The following INSYN2B variants were observed in gnomAD, a reference collection of about 807,000 sequenced individuals.
INSYN2B encodes inhibitory synaptic factor family member 2B, also known as protein INSYN2B.
INSYN2B carries 16 observed loss-of-function variants against 41.2 expected under a neutral mutation model. The ratio of observed to expected loss-of-function variants is 0.39; its 90% CI spans 0.26 to 0.59. The LOEUF (loss-of-function observed/expected upper bound fraction) is 0.59, where lower values mean the gene tolerates loss of function less well. Among genes scored for constraint, INSYN2B ranks in the 20% least tolerant of loss-of-function variants. The probability of loss-of-function intolerance (pLI) is 0.57; values close to 1 mark genes in which losing one functional copy is unlikely to be tolerated. For missense variants in INSYN2B, 608 were observed against 646.4 expected (o/e 0.94, Z 0.64); for synonymous variants, 245 against 244.4 (o/e 1.00, Z -0.02).
Position 169,864,278 on chromosome 5 carries a change from T to C in INSYN2B, c.1603A>G (p.Ile535Val), listed in dbSNP as rs753874434. Reference sequence around the variant, plus strand: ...GGGGGATGGTCCCAACCAGCTCAGATCCACCAGAAGCATTTCTTTTTCACC... The same window carrying C: ...GGGGGATGGTCCCAACCAGCTCAGACCCACCAGAAGCATTTCTTTTTCACC... ...KKVKKKCFWW[I>V] The change falls in exon 4 of 4, where the codon ATC becomes GTC. Residue 535 changes from isoleucine to valine, a missense_variant. Transcript: ENST00000377365. 5.8e-6 allele frequency: 9 copies of C among 1,551,532 alleles called. 1 individual carries two copies. In the South Asian group the frequency reaches 1.1e-4, roughly 18 times the overall value.
In INSYN2B at chr5:169,867,731, A is replaced by G. The variant is rs555372915; in HGVS notation, c.1422-3272T>C. ...ACATACACACATATATAATCATAAC[A>G]TCACAGTCTCTTCTTCCAGGAGGCA... On this transcript the variant is annotated intron_variant, in intron 3 of 3. Coordinates refer to ENST00000377365, the MANE Select transcript of INSYN2B (RefSeq NM_001129891.3). Among the ~76,000 whole-genome samples, 3 of 152,244 alleles carry G rather than the reference A, an allele frequency of 2.0e-5. No homozygotes were observed. The East Asian group carries it at 5.8e-4, about 29-fold the overall frequency.
In INSYN2B at chr5:169,882,663, G is replaced by A; in HGVS notation, c.1236C>T (p.Leu412=). The change falls in exon 2 of 4, where the codon CTC becomes CTT. Residue 412 remains leucine (L), a synonymous_variant. Coordinates refer to ENST00000377365, the MANE Select transcript of INSYN2B (RefSeq NM_001129891.3). ...IHLARGELCD[L]QGRLQSVEES... is the part of the protein sequence containing the mutation. The stretch of plus-strand genomic sequence containing the variant: ...CCTCCACAGATTGCAGTCGGCCTTG[G>A]AGGTCGCAGAGTTCACCCCGTGCCA... 6.4e-7 allele frequency: 1 copy of A among 1,552,062 alleles called. No individual in the cohort carries two copies. The highest frequency in any genetic ancestry group is 8.7e-7 in the Non-Finnish European group (1 of 1,147,048).
At chr5:169,867,646 A>G (rs1483725609) in intron 3 of INSYN2B, among the ~76,000 whole-genome samples, 3 of 151,598 alleles carry the variant, frequency 2.0e-5, no homozygotes, top group Admixed American at 1.3e-4. Context: ...CTATCTATCT[A>G]TCTACCTCTA....
intron 3 of INSYN2B, among the ~76,000 whole-genome samples, chr5:169,869,996 A>G (rs920158500): frequency 6.6e-6 from 1 of 152,202 alleles, no homozygotes; most frequent in Admixed American, 6.5e-5. Context: ...TAGTTAAGAA[A>G]TTGTTACAAT....
intron 1 of INSYN2B, among the ~76,000 whole-genome samples, chr5:169,899,113 A>G (rs1295039149): frequency 6.6e-6 from 1 of 152,180 alleles, no homozygotes; most frequent in Non-Finnish European, 1.5e-5. Flanking sequence ...TGATTTGTGG[A>G]TTAGAAGAGA....
At chr5:169,966,622 C>A (rs375246894) in intron 1 of INSYN2B, among the ~76,000 whole-genome samples, 2 of 152,112 alleles carry the variant, frequency 1.3e-5, no homozygotes, top group African/African-American at 4.8e-5. Flanking sequence ...GGCTCCATAC[C>A]CTTATTTTAC....
chr5:169,871,403 A>C (rs1771960574), intron 3 of INSYN2B, among the ~76,000 whole-genome samples: 1 of 152,218 alleles, frequency 6.6e-6, no homozygotes, highest in Non-Finnish European at 1.5e-5. Context: ...TGATAAAAAG[A>C]ATGATGGTCA....
intron 1 of INSYN2B, among the ~76,000 whole-genome samples, chr5:169,943,129 C>T (rs1049170351): frequency 5.3e-5 from 8 of 152,134 alleles, no homozygotes; most frequent in African/African-American, 1.9e-4. Flanking sequence ...TGAGTTTTCC[C>T]CACACCCAGG....
intron 1 of INSYN2B, among the ~76,000 whole-genome samples, chr5:169,970,721 G>C (rs1561858400): frequency 6.6e-6 from 1 of 152,160 alleles, no homozygotes; most frequent in African/African-American, 2.4e-5. Flanking sequence ...AATCAGGGGA[G>C]ATTTTAAAGA....
chr5:169,946,626 A>G (rs1415239901), intron 1 of INSYN2B, among the ~76,000 whole-genome samples: 1 of 152,196 alleles, frequency 6.6e-6, no homozygotes, highest in Non-Finnish European at 1.5e-5. Context: ...CTCATTGTGT[A>G]TCAGCCACTG....
At chr5:169,934,363 C>G (rs1246512280) in intron 1 of INSYN2B, among the ~76,000 whole-genome samples, 2 of 152,162 alleles carry the variant, frequency 1.3e-5, no homozygotes, top group Non-Finnish European at 2.9e-5. Flanking sequence ...GGATCATAGC[C>G]AATACCACCC....
rs1046089565 is a variant in INSYN2B at position 169,884,156 on chromosome 5, A to G, written c.-258T>C. 2 of 332,182 alleles carry G rather than the reference A, an allele frequency of 6.0e-6. No homozygotes were observed. The highest frequency in any genetic ancestry group is 1.1e-5 in the Non-Finnish European group (2 of 183,970). The allele number at this position is 332,182 out of a possible 1,614,324, so 20.6% of individuals were successfully genotyped here. A position where few individuals can be genotyped will look rare whatever the true frequency, so the allele number is the denominator to read the frequency against. Reference sequence around the variant, plus strand: ...TCATAATTGCTCCTTGGAAAAACAAATGAGTTAGGCTAACTATTAAACATC... The same window carrying G: ...TCATAATTGCTCCTTGGAAAAACAAGTGAGTTAGGCTAACTATTAAACATC... On this transcript the variant is annotated 5_prime_UTR_variant, in exon 2 of 4. Transcript: ENST00000377365.
At chr5:169,914,939 A>T (rs1168991348) in intron 1 of INSYN2B, among the ~76,000 whole-genome samples, 1 of 152,234 alleles carries the variant, frequency 6.6e-6, no homozygotes, top group Non-Finnish European at 1.5e-5. Flanking sequence ...TCCCACAGGC[A>T]GCGCCTGCCC....
chr5:169,953,494 G>A (rs924188207), intron 1 of INSYN2B, among the ~76,000 whole-genome samples: 8 of 152,124 alleles, frequency 5.3e-5, no homozygotes, highest in South Asian at 4.1e-4. Flanking sequence ...GGAGGTCTTG[G>A]GGATTGAATG....
At chr5:169,893,140 G>GA (rs1249545651) in intron 1 of INSYN2B, among the ~76,000 whole-genome samples, 5 of 152,150 alleles carry the variant, frequency 3.3e-5, no homozygotes, top group African/African-American at 4.8e-5. Flanking sequence ...CAAGGGTGGG[G>GA]AATCAGCATC....
chr5:169,934,422 C>A (rs1775893740), intron 1 of INSYN2B, among the ~76,000 whole-genome samples: 1 of 152,170 alleles, frequency 6.6e-6, no homozygotes, highest in Non-Finnish European at 1.5e-5. Context: ...GAATCACAAA[C>A]CCTCAAGGGC....
Position 169,879,540 on chromosome 5 carries a change from A to G in INSYN2B, c.1421+1828T>C, listed in dbSNP as rs371579184. ...TGGTAATGAGGGATATATGCATACAATTGCTGTTCTTCTGGAAAGGATGGT... is the reference window on the plus strand; with the variant it reads ...TGGTAATGAGGGATATATGCATACAGTTGCTGTTCTTCTGGAAAGGATGGT... On this transcript the variant is annotated intron_variant, in intron 3 of 3. Transcript: ENST00000377365. Among the ~76,000 whole-genome samples, 9 of 152,290 alleles carry G rather than the reference A, an allele frequency of 5.9e-5. No homozygotes were observed. The South Asian group carries it at 1.9e-3, about 32-fold the overall frequency.
intron 1 of INSYN2B, among the ~76,000 whole-genome samples, chr5:169,952,960 G>A (rs1208169178): frequency 3.3e-5 from 5 of 152,208 alleles, no homozygotes; most frequent in Admixed American, 6.5e-5. Context: ...GTAAAGGGAA[G>A]GCTTCACTTT....
intron 1 of INSYN2B, among the ~76,000 whole-genome samples, chr5:169,900,289 G>C (rs1461544422): frequency 6.6e-6 from 1 of 152,166 alleles, no homozygotes; most frequent in South Asian, 2.1e-4. Context: ...TCCCCTGATG[G>C]AGGGGACATC....
Sources: allele counts gnomAD v4.1 joint callset (sites outside exome capture counted in the v4.1 genomes callset), GRCh38; gene constraint gnomAD v4.1.1; transcripts MANE v1.5; gene names NCBI Gene and HGNC (gene_info 2026-07-23, HGNC 2026-07-21).